DDX25: variants seen among roughly 807,000 people sequenced by gnomAD.
DDX25 encodes the protein ATP-dependent RNA helicase DDX25.
A neutral mutation model predicts 64.6 loss-of-function variants in DDX25; 70 were observed. The ratio of observed to expected loss-of-function variants is 1.08; its 90% confidence interval spans 0.89 to 1.32. The LOEUF is 1.32. Among genes scored for constraint, DDX25 ranks in the 40% most tolerant of loss-of-function variants. DDX25 has a pLI of 0.00. For synonymous variants in DDX25, 211 were observed against 213.3 expected, an observed-to-expected ratio of 0.99 and a Z score of 0.09; for missense variants, 587 against 604.4, an observed-to-expected ratio of 0.97 and a Z score of 0.30.
chr11:125,911,242 C>T, intron 7 of DDX25, 69 bp from the exon 8 acceptor site: 1 of 1,359,620 alleles, frequency 7.4e-7, no homozygotes, highest in East Asian at 2.6e-5. Flanking sequence ...TTATATTGCA[C>T]TGCCCTGAAC....
intron 8 of DDX25, among the ~76,000 whole-genome samples, chr11:125,916,632 T>A (rs76768214): frequency 0.024 from 3,659 of 152,312 alleles, 118 homozygotes; most frequent in African/African-American, 0.082. Context: ...ATGCCTGCTG[T>A]CAAATAACTG....
Position 125,907,475 on chromosome 11 carries a change from G to A in DDX25, c.312-721G>A, listed in dbSNP as rs553610595. On this transcript the variant is annotated intron_variant, in intron 4 of 11. Transcript: ENST00000263576. ...TACAAAAAATTAGCCAGGTGTGGTGGCGGGCGCCTGTAGTCCTAGCTACTC... is the reference window on the plus strand; with the variant it reads ...TACAAAAAATTAGCCAGGTGTGGTGACGGGCGCCTGTAGTCCTAGCTACTC... 4.6e-5 allele frequency among the ~76,000 whole-genome samples: 7 copies of A among 152,168 alleles called. No homozygotes were observed. In the East Asian group the frequency reaches 7.7e-4, roughly 17 times the overall value.
intron 8 of DDX25, among the ~76,000 whole-genome samples, chr11:125,916,307 C>T (rs916568591): frequency 1.3e-5 from 2 of 152,130 alleles, no homozygotes; most frequent in African/African-American, 4.8e-5. Flanking sequence ...TCACAAGAAG[C>T]CATGCTCTTG....
chr11:125,909,445 G>A (rs1944936799), intron 6 of DDX25, among the ~76,000 whole-genome samples: 1 of 152,066 alleles, frequency 6.6e-6, no homozygotes, highest in African/African-American at 2.4e-5. Flanking sequence ...ACACATATAA[G>A]TGCATTAGAT....
intron 8 of DDX25, 92 bp from the exon 9 acceptor site, chr11:125,916,922 G>A: frequency 8.1e-7 from 1 of 1,240,896 alleles, no homozygotes; most frequent in Non-Finnish European, 1.1e-6. Context: ...TGGAACAGGG[G>A]TGCGTGCAGC....
At chr11:125,905,097 G>A (rs1348572879) in intron 1 of DDX25, 115 bp from the exon 2 acceptor site, 3 of 884,168 alleles carry the variant, frequency 3.4e-6, no homozygotes, top group Non-Finnish European at 5.4e-6. Flanking sequence ...TATTGCAAAG[G>A]AAGCAATACC....
intron 9 of DDX25, among the ~76,000 whole-genome samples, chr11:125,918,278 A>G (rs1448363725): frequency 6.6e-6 from 1 of 152,192 alleles, no homozygotes; most frequent in Non-Finnish European, 1.5e-5. Context: ...TTTCAGCCAG[A>G]TGCCTGGCAC....
chr11:125,907,560 G>A lies in DDX25; in HGVS notation c.312-636G>A, dbSNP rs529578332. Among the ~76,000 whole-genome samples, 82 of 151,642 alleles carry A rather than the reference G, an allele frequency of 5.4e-4. 1 individual carries two copies. The East Asian group carries it at 6.6e-3, about 12-fold the overall frequency. ...GAGGTGGAGCTTGCAGTGAGCTGAG[G>A]TCGCGCCACTGCACTCCAGCCTGGG... is the stretch of plus-strand genomic sequence containing the variant. On this transcript the variant is annotated intron_variant, in intron 4 of 11. Transcript: ENST00000263576.
chr11:125,911,252 C>A, intron 7 of DDX25, 59 bp from the exon 8 acceptor site: 1 of 1,508,698 alleles, frequency 6.6e-7, no homozygotes, highest in Non-Finnish European at 8.9e-7. Flanking sequence ...CTGCCCTGAA[C>A]TGTGACCTGT....
At chr11:125,909,203 G>T (rs1306773858) in intron 6 of DDX25, among the ~76,000 whole-genome samples, 1 of 152,134 alleles carries the variant, frequency 6.6e-6, no homozygotes, top group East Asian at 1.9e-4. Context: ...GTGCTGTGGG[G>T]AATACCAAGG....
Position 125,906,119 on chromosome 11 carries a change from C to A in DDX25, c.221C>A (p.Ser74Tyr). The change falls in exon 4 of 12, where the codon TCC becomes TAC. Residue 74 changes from serine (S) to tyrosine (Y), a missense_variant. Coordinates refer to ENST00000263576, the MANE Select transcript of DDX25 (RefSeq NM_013264.5). ...CTCTTAAACAAGTTAATCCATCAAT[C>A]CTTAGTAGAATCCAGTCACCGTGTG... is the stretch of plus-strand genomic sequence containing the variant. ...NSLLNKLIHQ[S>Y]LVESSHRVEV... 1 of 1,550,942 alleles carries A rather than the reference C, an allele frequency of 6.4e-7. No individual in the cohort carries two copies.
At position 125,917,104 on chromosome 11, in the gene DDX25, T is replaced by A. The variant is rs748669088; in HGVS notation, c.891T>A (p.Pro297=). 6.2e-7 allele frequency: 1 copy of A among 1,610,548 alleles called. No homozygotes were observed. The highest frequency in any genetic ancestry group is 1.3e-5 in the African/African-American group (1 of 74,900). ...TTGCTGAGCGAATCATCCCTGACCC[T>A]AATGTTATCAAGTTACGCAAAGAGG... The part of the protein sequence containing the change: ...WHFAERIIPD[P]NVIKLRKEEL... The change falls in exon 9 of 12, where the codon CCT becomes CCA. Residue 297 remains proline, a synonymous_variant. Transcript: ENST00000263576.
chr11:125,923,006 G>A lies in DDX25; in HGVS notation c.*125G>A. On this transcript the variant is annotated 3_prime_UTR_variant, in exon 12 of 12. Coordinates refer to ENST00000263576, the MANE Select transcript of DDX25 (RefSeq NM_013264.5). ...AACTGTCACAGATGGCAAAATAAAT[G>A]TCACGGTACTTAGTTTTAAGACATG... 1 of 789,780 alleles carries A rather than the reference G, an allele frequency of 1.3e-6. No individual in the cohort carries two copies. Among genetic ancestry groups the A allele is most frequent in the Non-Finnish European group, 2.0e-6 (1 of 506,118 alleles). The allele number at this position is 789,780 out of a possible 1,614,324, so 48.9% of individuals were successfully genotyped here. A position where few individuals can be genotyped will look rare whatever the true frequency, so the allele number is the denominator to read the frequency against.
upstream of DDX25, among the ~76,000 whole-genome samples, chr11:125,903,598 C>T (rs1442188413): frequency 6.6e-6 from 1 of 152,110 alleles, no homozygotes; most frequent in Non-Finnish European, 1.5e-5. Flanking sequence ...TCAAAACAAA[C>T]GACTAGGTGC....
rs1945131258 is a variant in DDX25 at position 125,922,834 on chromosome 11, C to G, written c.1405C>G (p.Gln469Glu). 6.2e-7 allele frequency: 1 copy of G among 1,609,286 alleles called. No homozygotes were observed. The highest frequency in any genetic ancestry group is 1.3e-5 in the African/African-American group (1 of 74,872). ...IQDHFNSSIK[Q>E]LNAEDMDEIE... ...TGTTCTTTTAGACAGCAGTATTAAG[C>G]AACTCAACGCTGAAGACATGGATGA... The change falls in exon 12 of 12, where the codon CAA (glutamine) becomes GAA (glutamate). Residue 469 changes from glutamine (Q) to glutamate (E), a missense_variant. Gln to Glu is a conservative substitution (Grantham distance 29). Transcript: ENST00000263576.
upstream of DDX25, chr11:125,904,449 G>A (rs1944845854): frequency 7.5e-7 from 1 of 1,335,830 alleles, no homozygotes; most frequent in Non-Finnish European, 9.6e-7. Context: ...TTGGCCAGCG[G>A]ATGGGGCCAG....
Position 125,927,604 on chromosome 11 carries a change from T to C in DDX25, c.*4723T>C, listed in dbSNP as rs1355502725. 6.6e-6 allele frequency: 1 copy of C among 152,238 alleles called. No homozygotes were observed. Among genetic ancestry groups the C allele is most frequent in the East Asian group, 1.9e-4 (1 of 5,206 alleles). 9.4% of individuals were successfully genotyped at this position (152,238 alleles called of 1,614,324 possible). ...TATTTTGAGCTTAACATTTTTCTAT[T>C]GCTAGAAAGAATGGTACTGCCTCAC... On this transcript the variant is annotated 3_prime_UTR_variant, in exon 12 of 12. Transcript: ENST00000263576.
chr11:125,911,757 A>G (rs893113990), intron 8 of DDX25, among the ~76,000 whole-genome samples: 3 of 152,220 alleles, frequency 2.0e-5, no homozygotes, highest in African/African-American at 7.2e-5. Context: ...CATCTGCACC[A>G]AATTTGCCAA....
chr11:125,904,463 C>T, upstream of DDX25: 2 of 1,439,740 alleles, frequency 1.4e-6, no homozygotes. Context: ...GGGCCAGCAC[C>T]GCCTCGCGCC....
Sources: gnomAD v4.1 joint callset for allele counts (sites outside exome capture counted in the v4.1 genomes callset) on GRCh38, gnomAD v4.1.1 for gene constraint, MANE v1.5 for transcripts, NCBI Gene and HGNC (gene_info 2026-07-23, HGNC 2026-07-21) for gene names.